DCC: variants seen among roughly 807,000 people sequenced by gnomAD.
DCC encodes the protein DCC netrin 1 receptor.
DCC carries 58 observed loss-of-function variants against 172.5 expected under a neutral mutation model. That is an observed-to-expected ratio of 0.34 (90% confidence interval 0.27 to 0.42). The LOEUF is 0.42. Ranked by LOEUF, DCC falls within the 10% of genes least tolerant of loss-of-function variation. The pLI is 1.00. For missense variants in DCC, 1,740 were observed against 1,791.0 expected, an observed-to-expected ratio of 0.97 and a Z score of 0.51; for synonymous variants, 709 against 644.5, an observed-to-expected ratio of 1.10 and a Z score of -1.52.
chr18:52,827,162 G>A (rs905089452), intron 2 of DCC, among the ~76,000 whole-genome samples: 2 of 152,174 alleles, frequency 1.3e-5, no homozygotes, highest in African/African-American at 4.8e-5. Flanking sequence ...GCCCTACTCA[G>A]TCTCAGGCTG....
chr18:53,001,423 T>C (rs1403523459), intron 5 of DCC, among the ~76,000 whole-genome samples: 7 of 152,122 alleles, frequency 4.6e-5, no homozygotes, highest in African/African-American at 1.7e-4. Flanking sequence ...TATTTTAAAA[T>C]GAATCTAAAT....
intron 1 of DCC, among the ~76,000 whole-genome samples, chr18:52,724,354 G>C (rs75624963): frequency 6.6e-6 from 1 of 151,756 alleles, no homozygotes; most frequent in Non-Finnish European, 1.5e-5. Flanking sequence ...TTACTATGTT[G>C]CCCGGGCTGG....
chr18:52,371,496 C>T (rs1985120634), intron 1 of DCC, among the ~76,000 whole-genome samples: 1 of 152,188 alleles, frequency 6.6e-6, no homozygotes, highest in African/African-American at 2.4e-5. Context: ...TGAACGTTTA[C>T]TAAGAGGTTT....
intron 8 of DCC, among the ~76,000 whole-genome samples, chr18:53,160,884 T>C (rs1369192246): frequency 1.3e-5 from 2 of 152,184 alleles, no homozygotes; most frequent in Non-Finnish European, 2.9e-5. Flanking sequence ...AATCTGTCTT[T>C]CCTCAAATTT....
intron 3 of DCC, among the ~76,000 whole-genome samples, chr18:52,920,969 G>C (rs1420199536): frequency 6.6e-6 from 1 of 152,078 alleles, no homozygotes; most frequent in Non-Finnish European, 1.5e-5. Flanking sequence ...TCCTGGAAAA[G>C]GTACAACTAT....
intron 12 of DCC, among the ~76,000 whole-genome samples, chr18:53,222,370 C>CTTTTTA (rs1202134988): frequency 7.3e-4 from 91 of 125,292 alleles, no homozygotes; most frequent in African/African-American, 2.3e-3. Flanking sequence ...TTTCTTTTTT[C>CTTTTTA]TTTTTCTTTT....
chr18:53,085,078 A>G (rs1259525488), intron 7 of DCC, among the ~76,000 whole-genome samples: 1 of 152,206 alleles, frequency 6.6e-6, no homozygotes, highest in East Asian at 1.9e-4. Flanking sequence ...CCTATTATCC[A>G]GGTACCCAGA....
intron 25 of DCC, among the ~76,000 whole-genome samples, chr18:53,471,146 GA>G (rs565632892): frequency 1.1e-4 from 17 of 151,918 alleles, no homozygotes; most frequent in Non-Finnish European, 2.2e-4. Flanking sequence ...TTAGCTTTTT[GA>G]AAAACAAAAA....
chr18:52,821,582 A>G (rs2038407932), intron 2 of DCC, among the ~76,000 whole-genome samples: 1 of 152,180 alleles, frequency 6.6e-6, no homozygotes, highest in Non-Finnish European at 1.5e-5. Flanking sequence ...TAATCCCTCC[A>G]TTAAGACCAA....
chr18:52,704,658 T>C (rs1313996451), intron 1 of DCC, among the ~76,000 whole-genome samples: 5 of 152,202 alleles, frequency 3.3e-5, no homozygotes, highest in African/African-American at 1.2e-4. Flanking sequence ...CCACCAGCTA[T>C]CAGCCATCAA....
At chr18:53,076,311 G>A (rs2042724402) in intron 7 of DCC, among the ~76,000 whole-genome samples, 1 of 152,128 alleles carries the variant, frequency 6.6e-6, no homozygotes, top group African/African-American at 2.4e-5. Context: ...GTCATGGTAA[G>A]CAGTTTCATA....
chr18:52,992,718 C>A (rs554393305), intron 5 of DCC, among the ~76,000 whole-genome samples: 1 of 152,192 alleles, frequency 6.6e-6, no homozygotes, highest in South Asian at 2.1e-4. Context: ...GCTCATGCCT[C>A]TAATCCCAGC....
At chr18:52,458,271 G>A (rs1988520306) in intron 1 of DCC, among the ~76,000 whole-genome samples, 1 of 152,150 alleles carries the variant, frequency 6.6e-6, no homozygotes, top group East Asian at 1.9e-4. Context: ...GGTCCTGACA[G>A]TAGTTTATCC....
intron 1 of DCC, among the ~76,000 whole-genome samples, chr18:52,360,232 G>C (rs779483781): frequency 8.5e-5 from 13 of 152,076 alleles, no homozygotes; most frequent in Non-Finnish European, 1.5e-4. Context: ...TCAATTTTCT[G>C]TTAATCATTT....
In DCC at chr18:53,157,346, T is replaced by C; in HGVS notation, c.1262-10T>C. 6.2e-7 allele frequency: 1 copy of C among 1,614,044 alleles called. No homozygotes were observed. The highest frequency in any genetic ancestry group is 8.5e-7 in the Non-Finnish European group (1 of 1,179,952). On this transcript the variant is annotated splice_polypyrimidine_tract_variant and intron_variant, in intron 7 of 28. Transcript: ENST00000442544. ...GACACCTCTGATAGCCTCCTCTTCT[T>C]TCTCCTTAGCTATCCCAAGCTCCAG...
At chr18:52,603,713 A>G (rs1462488097) in intron 1 of DCC, among the ~76,000 whole-genome samples, 1 of 151,954 alleles carries the variant, frequency 6.6e-6, no homozygotes, top group African/African-American at 2.4e-5. Context: ...AAAAACAGAA[A>G]GGAATGACAC....
At chr18:52,583,589 A>C (rs926296902) in intron 1 of DCC, among the ~76,000 whole-genome samples, 1 of 152,220 alleles carries the variant, frequency 6.6e-6, no homozygotes, top group Non-Finnish European at 1.5e-5. Context: ...CTGAATAATT[A>C]GCTTTTCTTG....
chr18:53,190,260 A>T (rs947653107), intron 9 of DCC, among the ~76,000 whole-genome samples: 2 of 152,188 alleles, frequency 1.3e-5, no homozygotes, highest in Non-Finnish European at 2.9e-5. Flanking sequence ...GGCCTGAAAC[A>T]GTAATTGTGT....
At chr18:53,450,476 C>T (rs1406770252) in intron 22 of DCC, 24 bp from the exon 23 acceptor site, 1 of 1,613,438 alleles carries the variant, frequency 6.2e-7, no homozygotes, top group Admixed American at 1.7e-5. Context: ...TAAACCTGAA[C>T]TCCATTTTCC....
Sources: gnomAD v4.1 joint callset for allele counts (sites outside exome capture counted in the v4.1 genomes callset) on GRCh38, gnomAD v4.1.1 for gene constraint, MANE v1.5 for transcripts, NCBI Gene and HGNC (gene_info 2026-07-23, HGNC 2026-07-21) for gene names.